The following SLC26A7 variants were observed in gnomAD, a reference collection of about 807,000 sequenced individuals.
The protein encoded by SLC26A7 is solute carrier family 26 member 7.
In SLC26A7, 59 loss-of-function variants were observed where a neutral mutation model predicts 82.5. The observed-to-expected ratio is 0.72, with a 90% confidence interval of 0.58 to 0.89. The LOEUF (loss-of-function observed/expected upper bound fraction) is 0.89. Ranked by LOEUF, SLC26A7 falls within the 40% of genes least tolerant of loss-of-function variation. The probability of loss-of-function intolerance (pLI) is 0.00; values close to 1 mark genes in which losing one functional copy is unlikely to be tolerated. For missense variants in SLC26A7, 820 were observed against 793.0 expected, an observed-to-expected ratio of 1.03 and a Z score of -0.41; for synonymous variants, 271 against 274.3, an observed-to-expected ratio of 0.99 and a Z score of 0.12.
At chr8:91,330,107 T>G (rs1813038081) in intron 5 of SLC26A7, among the ~76,000 whole-genome samples, 1 of 152,134 alleles carries the variant, frequency 6.6e-6, no homozygotes, top group Admixed American at 6.6e-5. Flanking sequence ...CCTAATACGT[T>G]TATTAATGTA....
chr8:91,396,161 G>A lies in SLC26A7; in HGVS notation c.*1064G>A, dbSNP rs1476150455. On this transcript the variant is annotated 3_prime_UTR_variant, in exon 19 of 19. Transcript: ENST00000276609. ...TAAACGCCATAGGCTAGGCTGAACT[G>A]TATGTTACTGTTTTCATGCTTATAC... is the stretch of plus-strand genomic sequence containing the variant. The A allele has an allele frequency of 6.6e-6, 1 of 151,936 alleles. No individual in the cohort carries two copies. Among genetic ancestry groups the A allele is most frequent in the East Asian group, 1.9e-4 (1 of 5,196 alleles). 9.4% of individuals were successfully genotyped at this position (151,936 alleles called of 1,614,324 possible). A position where few individuals can be genotyped will look rare whatever the true frequency, so the allele number is the denominator to read the frequency against.
intron 5 of SLC26A7, among the ~76,000 whole-genome samples, chr8:91,321,479 G>A (rs1812788545): frequency 6.6e-6 from 1 of 152,296 alleles, no homozygotes; most frequent in Non-Finnish European, 1.5e-5. Flanking sequence ...TTCTTCCCGA[G>A]TGTGAAACAT....
At chr8:91,282,280 T>C (rs973275618) in intron 2 of SLC26A7, among the ~76,000 whole-genome samples, 1 of 152,168 alleles carries the variant, frequency 6.6e-6, no homozygotes, top group African/African-American at 2.4e-5. Context: ...AGAAGACATT[T>C]CTAGGATTGA....
Position 91,365,133 on chromosome 8 carries a change from C to A in SLC26A7, c.1489-1447C>A, listed in dbSNP as rs532644311. On this transcript the variant is annotated intron_variant, in intron 13 of 18. Transcript: ENST00000276609. ...CCCACTGATAATTTCTTTTCTAGAA[C>A]AATTTGAATATCTATTCTTTAACAA... 2.0e-5 allele frequency among the ~76,000 whole-genome samples: 3 copies of A among 151,828 alleles called. No homozygotes were observed. In the East Asian group the frequency reaches 5.8e-4, roughly 29 times the overall value.
chr8:91,301,672 A>G (rs955601302), intron 4 of SLC26A7, among the ~76,000 whole-genome samples: 10 of 151,974 alleles, frequency 6.6e-5, no homozygotes, highest in African/African-American at 2.2e-4. Flanking sequence ...ATTTTGAAAT[A>G]GTATGTCTAC....
chr8:91,211,614 A>T (rs62526739), intron 1 of SLC26A7, among the ~76,000 whole-genome samples: 7,158 of 140,516 alleles, frequency 0.051, 193 homozygotes, highest in African/African-American at 0.073. Flanking sequence ...ATATATATAT[A>T]TATTTTTTTT....
At chr8:91,292,255 G>A (rs1167245524) in intron 3 of SLC26A7, among the ~76,000 whole-genome samples, 4 of 150,958 alleles carry the variant, frequency 2.6e-5, no homozygotes, top group East Asian at 2.0e-4. Context: ...GCAGTGAGCC[G>A]AGATGGCGCC....
chr8:91,388,368 T>C (rs910867768), intron 15 of SLC26A7, among the ~76,000 whole-genome samples: 4 of 152,142 alleles, frequency 2.6e-5, no homozygotes, highest in Admixed American at 6.5e-5. Context: ...TGCCTCAGCC[T>C]CCCGAGCGGG....
At chr8:91,315,471 A>AAAAAT (rs373426570) in intron 4 of SLC26A7, among the ~76,000 whole-genome samples, 1 of 151,240 alleles carries the variant, frequency 6.6e-6, no homozygotes, top group African/African-American at 2.4e-5. Context: ...AAAAAAAAAA[A>AAAAAT]CACCATGTTC....
rs1563633790 is a variant in SLC26A7 at position 91,224,355 on chromosome 8, G to GT, written c.-34+5357dup. On this transcript the variant is annotated intron_variant, in intron 2 of 5. Transcript: ENST00000522862. ...TTGAGGCTGCTGATCCTTGGATGGG[G>GT]TTTTTTTGTGGGGACTTACTGTTGT... Among the ~76,000 whole-genome samples, 8 of 152,182 alleles carry GT rather than the reference G, an allele frequency of 5.3e-5. No homozygotes were observed. In the South Asian group the frequency reaches 1.2e-3, roughly 24 times the overall value.
intron 4 of SLC26A7, among the ~76,000 whole-genome samples, chr8:91,310,991 C>T (rs567021490): frequency 6.6e-6 from 1 of 152,208 alleles, no homozygotes; most frequent in East Asian, 1.9e-4. Context: ...TCAGTCTCTC[C>T]TTCTGCCTTA....
chr8:91,365,613 A>C (rs986140049), intron 13 of SLC26A7, among the ~76,000 whole-genome samples: 1 of 152,244 alleles, frequency 6.6e-6, no homozygotes, highest in East Asian at 1.9e-4. Flanking sequence ...CTCACTTTGC[A>C]AAGTTCAATC....
chr8:91,306,713 TA>T (rs1812318928), intron 4 of SLC26A7, among the ~76,000 whole-genome samples: 1 of 147,888 alleles, frequency 6.8e-6, no homozygotes, highest in African/African-American at 2.6e-5. Context: ...CAGATTTCCT[TA>T]TTTTTTTTTT....
intron 2 of SLC26A7, among the ~76,000 whole-genome samples, chr8:91,255,013 C>T (rs570669304): frequency 7.9e-5 from 12 of 152,234 alleles, no homozygotes; most frequent in African/African-American, 2.9e-4. Flanking sequence ...GTGCACATTA[C>T]AGCCTGAATG....
Position 91,348,008 on chromosome 8 carries a change from C to G in SLC26A7, c.1141-3802C>G, listed in dbSNP as rs190508287. On this transcript the variant is annotated intron_variant, in intron 9 of 18. Transcript: ENST00000276609. ...TTCCAACAGAGGAGATCCGCTGGTGCTCTGCAGGGAGCTCGGGAGGTATAC... is the reference window on the plus strand; with the variant it reads ...TTCCAACAGAGGAGATCCGCTGGTGGTCTGCAGGGAGCTCGGGAGGTATAC... 3.3e-5 allele frequency among the ~76,000 whole-genome samples: 5 copies of G among 152,316 alleles called. No homozygotes were observed. In the East Asian group the frequency reaches 7.7e-4, roughly 24 times the overall value.
chr8:91,352,870 G>T, intron 10 of SLC26A7, 31 bp from the exon 11 acceptor site: 1 of 1,537,568 alleles, frequency 6.5e-7, no homozygotes, highest in Non-Finnish European at 8.9e-7. Context: ...TTTTTATGTT[G>T]CTTCTTCTTC....
chr8:91,315,407 T>C (rs1378664316), intron 4 of SLC26A7, among the ~76,000 whole-genome samples: 1 of 151,172 alleles, frequency 6.6e-6, no homozygotes, highest in Admixed American at 6.6e-5. Flanking sequence ...TTTTCATAGC[T>C]GATTGTGTTT....
chr8:91,386,933 A>G (rs1246551394), intron 15 of SLC26A7, among the ~76,000 whole-genome samples: 1 of 152,188 alleles, frequency 6.6e-6, no homozygotes, highest in African/African-American at 2.4e-5. Context: ...ATTAAGCTCC[A>G]ATATACATTG....
In SLC26A7 at chr8:91,352,936, G is replaced by C. The variant is rs760947621; in HGVS notation, c.1254G>C (p.Lys418Asn). 1.2e-6 allele frequency: 2 copies of C among 1,608,556 alleles called. No homozygotes were observed. Among genetic ancestry groups the C allele is most frequent in the South Asian group, 2.2e-5 (2 of 90,220 alleles). ...CAAGCATTATTGTTGTGGGACTGAA[G>C]GGAATGCTAATACAGTTCCGAGATT... ...VLASIIVVGL[K>N]GMLIQFRDLK... Residue 418 changes from lysine to asparagine, a missense_variant, in exon 11 of 19, where the codon AAG (lysine) becomes AAC (asparagine). Lys to Asn is a moderately conservative substitution (Grantham distance 94). Transcript: ENST00000276609.
Sources: gnomAD v4.1 joint callset for allele counts (sites outside exome capture counted in the v4.1 genomes callset) on GRCh38, gnomAD v4.1.1 for gene constraint, MANE v1.5 for transcripts, NCBI Gene and HGNC (gene_info 2026-07-23, HGNC 2026-07-21) for gene names.